The following C9 variants were observed in gnomAD, a reference collection of about 807,000 sequenced individuals.
C9 encodes complement C9.
In C9, 63 loss-of-function variants were observed where a neutral mutation model predicts 65.4. The ratio of observed to expected loss-of-function variants is 0.96; its 90% CI spans 0.79 to 1.19. The LOEUF is 1.19. Ranked by LOEUF, C9 falls within the 50% of genes most tolerant of loss-of-function variation. C9 has a pLI of 0.00. For synonymous variants in C9, 229 were observed against 227.9 expected (o/e 1.00, Z -0.04); for missense variants, 744 against 670.1 (o/e 1.11, Z -1.22).
At chr5:39,350,253 C>T (rs1754297854) in intron 1 of C9, among the ~76,000 whole-genome samples, 1 of 152,100 alleles carries the variant, frequency 6.6e-6, no homozygotes, top group Admixed American at 6.5e-5. Context: ...AAAGGAAGTC[C>T]AGCCCCACGA....
intron 9 of C9, among the ~76,000 whole-genome samples, chr5:39,302,623 T>A (rs1022380320): frequency 6.6e-6 from 1 of 152,128 alleles, no homozygotes; most frequent in Non-Finnish European, 1.5e-5. Context: ...TACTACATCA[T>A]GTAACTCTGG....
chr5:39,356,770 T>A (rs970635100), intron 1 of C9, among the ~76,000 whole-genome samples: 2 of 152,198 alleles, frequency 1.3e-5, no homozygotes, highest in Middle Eastern at 3.2e-3. Context: ...TCTTCTGTCT[T>A]TCATCCTTTG....
chr5:39,364,447 G>C lies in C9; in HGVS notation c.18C>G (p.Ser6Arg). ...CTAAAATGCAGATTGCAACTGCAAA[G>C]CTCCGGCAGGCTGACATGCTGCTCT... The part of the protein sequence containing the change: MSACR[S>R]FAVAICILEI... Residue 6 changes from serine (S) to arginine (R), a missense_variant, in exon 1 of 11, where the codon AGC becomes AGG. By Grantham distance (110) the Ser-to-Arg change is moderately radical. Coordinates refer to ENST00000263408, the MANE Select transcript of C9 (RefSeq NM_001737.5). 6.2e-7 allele frequency: 1 copy of C among 1,607,636 alleles called. No homozygotes were observed. Among genetic ancestry groups the C allele is most frequent in the South Asian group, 1.1e-5 (1 of 90,898 alleles).
At chr5:39,307,334 A>T (rs1376048699) in intron 8 of C9, among the ~76,000 whole-genome samples, 1 of 152,194 alleles carries the variant, frequency 6.6e-6, no homozygotes, top group African/African-American at 2.4e-5. Flanking sequence ...GTGAATTTTT[A>T]AAACTGGAAA....
At chr5:39,314,489 T>A (rs1021606998) in intron 6 of C9, among the ~76,000 whole-genome samples, 3 of 151,508 alleles carry the variant, frequency 2.0e-5, no homozygotes, top group Non-Finnish European at 4.4e-5. Context: ...AAATTAAAAT[T>A]AAAAACCCTC....
intron 1 of C9, among the ~76,000 whole-genome samples, chr5:39,361,267 C>T (rs1233668511): frequency 6.6e-6 from 1 of 152,132 alleles, no homozygotes; most frequent in Non-Finnish European, 1.5e-5. Flanking sequence ...ATATATGTGA[C>T]AACCTGTAGA....
intron 6 of C9, 75 bp from the exon 7 acceptor site, chr5:39,311,452 G>A (rs1288233069): frequency 1.4e-6 from 2 of 1,450,240 alleles, no homozygotes; most frequent in Non-Finnish European, 9.6e-7. Flanking sequence ...ATGAAATTTA[G>A]AACTTCCATA....
chr5:39,342,879 T>C (rs1395330179), intron 1 of C9, among the ~76,000 whole-genome samples: 2 of 152,116 alleles, frequency 1.3e-5, no homozygotes, highest in African/African-American at 4.8e-5. Context: ...CTTTCCTTTC[T>C]CCGTTGGTTC....
chr5:39,320,284 T>C (rs991268616), intron 5 of C9, among the ~76,000 whole-genome samples: 1 of 151,720 alleles, frequency 6.6e-6, no homozygotes, highest in Admixed American at 6.6e-5. Flanking sequence ...AAAAAATACA[T>C]GAACAAAATT....
At chr5:39,356,408 C>T (rs1385774768) in intron 1 of C9, among the ~76,000 whole-genome samples, 1 of 152,190 alleles carries the variant, frequency 6.6e-6, no homozygotes, top group Non-Finnish European at 1.5e-5. Flanking sequence ...ATCTAATAGC[C>T]TCATGCCTTT....
intron 1 of C9, among the ~76,000 whole-genome samples, chr5:39,358,145 C>A (rs535986035): frequency 6.6e-6 from 1 of 152,294 alleles, no homozygotes; most frequent in Non-Finnish European, 1.5e-5. Context: ...TGAGCCCAGG[C>A]AACCCCTGGA....
At chr5:39,360,227 C>T (rs1754490561) in intron 1 of C9, among the ~76,000 whole-genome samples, 1 of 152,246 alleles carries the variant, frequency 6.6e-6, no homozygotes, top group South Asian at 2.1e-4. Flanking sequence ...TATCATCTCA[C>T]TTAATTCTTA....
chr5:39,331,697 G>T lies in C9; in HGVS notation c.594C>A (p.Asn198Lys). 6.2e-7 allele frequency: 1 copy of T among 1,613,908 alleles called. No individual in the cohort carries two copies. The highest frequency in any genetic ancestry group is 8.5e-7 in the Non-Finnish European group (1 of 1,179,798). Residue 198 changes from asparagine to lysine, a missense_variant, in exon 5 of 11, where the codon AAC (asparagine) becomes AAA (lysine). Transcript: ENST00000263408. The stretch of plus-strand genomic sequence containing the variant: ...TTACTTCATAGATCAAAGAAGCCAC[G>T]TTCCAAGGTCTTCGGTAGTATGTCA... Reference protein sequence around the residue: ...NTLTYYRRPWNVASLIYETKG... With the variant: ...NTLTYYRRPWKVASLIYETKG...
Position 39,311,343 on chromosome 5 carries a change from T to A in C9, c.905A>T (p.His302Leu). The change falls in exon 7 of 11, where the codon CAT (histidine) becomes CTT (leucine). Residue 302 changes from histidine to leucine, a missense_variant. By Grantham distance (99) the His-to-Leu change is moderately conservative (BLOSUM62 -3). Coordinates refer to ENST00000263408, the MANE Select transcript of C9 (RefSeq NM_001737.5). ...KMFLHVKGEI[H>L]LGRFVMRNRD... ...ATTTCTCATTACAAATCTTCCCAGA[T>A]GAATTTCTCCTTTCACATGCAGAAA... The A allele has an allele frequency of 1.9e-6, 3 of 1,612,748 alleles. No homozygotes were observed. The highest frequency in any genetic ancestry group is 1.1e-5 in the South Asian group (1 of 91,070).
At chr5:39,333,739 GTGCCTGCGATT>G (rs1753893011) in intron 4 of C9, among the ~76,000 whole-genome samples, 1 of 151,746 alleles carries the variant, frequency 6.6e-6, no homozygotes, top group African/African-American at 2.4e-5. Flanking sequence ...AGCCTGCCGA[GTGCCTGCGATT>G]GCAGGCGCGC....
chr5:39,349,386 G>T (rs1370442812), intron 1 of C9, among the ~76,000 whole-genome samples: 3 of 152,090 alleles, frequency 2.0e-5, no homozygotes, highest in Non-Finnish European at 2.9e-5. Context: ...AACAAATCAT[G>T]CACCATCCCT....
chr5:39,313,767 G>A (rs1753527259), intron 6 of C9, among the ~76,000 whole-genome samples: 1 of 152,162 alleles, frequency 6.6e-6, no homozygotes, highest in African/African-American at 2.4e-5. Context: ...AAGTCAACAA[G>A]TCAATGTATA....
At chr5:39,362,079 A>G (rs149142937) in intron 1 of C9, among the ~76,000 whole-genome samples, 230 of 152,330 alleles carry the variant, frequency 1.5e-3, no homozygotes, top group African/African-American at 4.8e-3. Context: ...AATGTTCACA[A>G]CGAAAACCTT....
intron 6 of C9, among the ~76,000 whole-genome samples, chr5:39,312,924 T>G (rs1443894610): frequency 6.6e-6 from 1 of 152,144 alleles, no homozygotes; most frequent in East Asian, 1.9e-4. Context: ...GCCTGTATGT[T>G]ATAGGTCATA....
Sources: allele counts gnomAD v4.1 joint callset (sites outside exome capture counted in the v4.1 genomes callset), GRCh38; gene constraint gnomAD v4.1.1; transcripts MANE v1.5; gene names NCBI Gene and HGNC (gene_info 2026-07-23, HGNC 2026-07-21).